The following DLG2 variants were observed in gnomAD, a reference collection of about 807,000 sequenced individuals.
The protein encoded by DLG2 is disks large homolog 2.
Under a neutral mutation model 132.5 loss-of-function variants are expected in DLG2, and 45 were observed. That is an observed-to-expected ratio of 0.34 (90% CI 0.27 to 0.44). DLG2 has a LOEUF of 0.44. Among genes scored for constraint, DLG2 ranks in the 20% least tolerant of loss-of-function variants. DLG2 has a pLI of 1.00. For missense variants in DLG2, 1,045 were observed against 1,196.9 expected, an observed-to-expected ratio of 0.87 and a Z score of 1.87; for synonymous variants, 424 against 419.6, an observed-to-expected ratio of 1.01 and a Z score of -0.13.
chr11:83,941,929 C>T (rs1173378615), intron 14 of DLG2, among the ~76,000 whole-genome samples: 9 of 152,084 alleles, frequency 5.9e-5, no homozygotes, highest in East Asian at 3.8e-4. Flanking sequence ...CACATGGCAC[C>T]GGCTACCTTT....
intron 6 of DLG2, among the ~76,000 whole-genome samples, chr11:85,013,936 T>C (rs2059360782): frequency 6.6e-6 from 1 of 152,192 alleles, no homozygotes; most frequent in Non-Finnish European, 1.5e-5. Flanking sequence ...TAAAAGACTT[T>C]TTTTGGTAAG....
intron 6 of DLG2, among the ~76,000 whole-genome samples, chr11:85,041,921 G>A (rs749924418): frequency 5.1e-4 from 77 of 151,602 alleles, no homozygotes; most frequent in Admixed American, 7.9e-4. Context: ...AATGAACATC[G>A]GAGAGTCAGA....
At position 83,633,325 on chromosome 11, in the gene DLG2, T is replaced by A; in HGVS notation, c.1826A>T (p.Asp609Val). The A allele has an allele frequency of 6.2e-7, 1 of 1,613,078 alleles. No individual in the cohort carries two copies. The highest frequency in any genetic ancestry group is 8.5e-7 in the Non-Finnish European group (1 of 1,179,458). ...VTIIAQYQPE[D>V]YARFEAKIHD... The stretch of plus-strand genomic sequence containing the variant: ...GATTTTGGCCTCAAATCGAGCGTAA[T>A]CTGGGAATGAAAACAAAGGTAGCAA... The change falls in exon 19 of 28, where the codon GAT becomes GTT. Residue 609 changes from aspartate (D) to valine (V), a missense_variant and splice_region_variant. Around this residue, in one of 4 missense-constraint regions of DLG2, gnomAD observed 398 missense variants for 543.6 expected, o/e 0.73. Coordinates refer to ENST00000376104, the MANE Select transcript of DLG2 (RefSeq NM_001142699.3).
At chr11:83,969,197 T>C (rs2090846127) in intron 12 of DLG2, among the ~76,000 whole-genome samples, 1 of 152,294 alleles carries the variant, frequency 6.6e-6, no homozygotes, top group Admixed American at 6.5e-5. Context: ...AAGCCATCAA[T>C]TGGATCACAA....
intron 7 of DLG2, among the ~76,000 whole-genome samples, chr11:84,489,991 A>G (rs1476148318): frequency 2.0e-5 from 3 of 152,150 alleles, no homozygotes; most frequent in Non-Finnish European, 2.9e-5. Context: ...ATAGAAAAAA[A>G]GAAGATATTT....
At chr11:85,030,207 C>T (rs1345349320) in intron 6 of DLG2, among the ~76,000 whole-genome samples, 5 of 152,164 alleles carry the variant, frequency 3.3e-5, no homozygotes, top group African/African-American at 1.2e-4. Flanking sequence ...TAAAGATGCA[C>T]TCATGGGTGA....
At chr11:83,724,892 T>C (rs1211962653) in intron 18 of DLG2, 1 of 702,518 alleles carries the variant, frequency 1.4e-6, no homozygotes, top group Admixed American at 2.0e-5. Context: ...GTTTTCAGCA[T>C]AGCAGGCAGC....
chr11:85,297,701 T>A (rs568103138), intron 3 of DLG2, among the ~76,000 whole-genome samples: 119 of 152,072 alleles, frequency 7.8e-4, no homozygotes, highest in Non-Finnish European at 1.4e-3. Context: ...TAGAGCAAGG[T>A]CTACTCTGGT....
At chr11:85,102,926 G>A (rs1444079145) in intron 6 of DLG2, among the ~76,000 whole-genome samples, 1 of 151,950 alleles carries the variant, frequency 6.6e-6, no homozygotes. Flanking sequence ...GTTTGGTAAG[G>A]TTGCTGATAC....
intron 4 of DLG2, among the ~76,000 whole-genome samples, chr11:85,267,475 T>C (rs866128072): frequency 6.6e-6 from 1 of 152,204 alleles, no homozygotes; most frequent in African/African-American, 2.4e-5. Flanking sequence ...GACAGAGATC[T>C]GATCTCACTT....
chr11:85,492,263 CATTAATGGCAA>C (rs745336570), intron 3 of DLG2, among the ~76,000 whole-genome samples: 86 of 152,074 alleles, frequency 5.7e-4, no homozygotes, highest in Non-Finnish European at 1.1e-3. Flanking sequence ...CAAAATTTGC[CATTAATGGCAA>C]AAACCGCAAT....
At chr11:84,198,414 G>A (rs1005767088) in intron 8 of DLG2, among the ~76,000 whole-genome samples, 3 of 151,882 alleles carry the variant, frequency 2.0e-5, no homozygotes, top group African/African-American at 7.3e-5. Flanking sequence ...TTTTATAAAA[G>A]GAAAATCAAT....
At chr11:85,001,512 G>A (rs934839735) in intron 6 of DLG2, among the ~76,000 whole-genome samples, 2 of 152,254 alleles carry the variant, frequency 1.3e-5, no homozygotes, top group South Asian at 4.1e-4. Context: ...TCATCAGAGA[G>A]TATGTAAAAA....
chr11:85,568,968 T>G (rs1476126780), intron 3 of DLG2, among the ~76,000 whole-genome samples: 1 of 152,140 alleles, frequency 6.6e-6, no homozygotes, highest in Non-Finnish European at 1.5e-5. Context: ...TTCATTCTTC[T>G]TTTTCTAGTT....
chr11:83,688,963 C>T (rs1477345777), intron 18 of DLG2, among the ~76,000 whole-genome samples: 2 of 152,216 alleles, frequency 1.3e-5, no homozygotes, highest in South Asian at 4.1e-4. Flanking sequence ...GGAGGGCTTA[C>T]GATGTCCCAG....
chr11:84,709,020 A>T (rs1203760425), intron 6 of DLG2, among the ~76,000 whole-genome samples: 1 of 151,964 alleles, frequency 6.6e-6, no homozygotes, highest in African/African-American at 2.4e-5. Context: ...AACAAAAGCT[A>T]TAATAACACA....
intron 21 of DLG2, among the ~76,000 whole-genome samples, chr11:83,501,234 C>G (rs185808138): frequency 8.0e-4 from 93 of 116,782 alleles, no homozygotes; most frequent in Non-Finnish European, 1.3e-3. Flanking sequence ...TTCTAAAATT[C>G]AAAGGTTCTT....
At chr11:85,396,003 C>T (rs1431368952) in intron 3 of DLG2, among the ~76,000 whole-genome samples, 1 of 152,178 alleles carries the variant, frequency 6.6e-6, no homozygotes, top group Admixed American at 6.5e-5. Flanking sequence ...CTGGGAAACA[C>T]CTCCCAGTAG....
rs1567802661 is a variant in DLG2, at chr11:84,502,196, CTCTCTCCTTCCT to C, written c.519+32362_519+32373del. On this transcript the variant is annotated intron_variant, in intron 7 of 27. Coordinates refer to ENST00000376104, the MANE Select transcript of DLG2 (RefSeq NM_001142699.3). ...TCTCTTTCTCTCTCTTTCTCTCTCT[CTCTCTCCTTCCT>C]TCCTTCCTTCCTTCCTTCCTTCCTT... 1.6e-4 allele frequency among the ~76,000 whole-genome samples: 2 copies of C among 12,716 alleles called. 1 individual carries two copies. Among genetic ancestry groups the C allele is most frequent in the Non-Finnish European group, 3.6e-4 (2 of 5,556 alleles). 8.3% of individuals were successfully genotyped at this position (12,716 alleles called of 152,430 possible). A position where few individuals can be genotyped will look rare whatever the true frequency, so the allele number is the denominator to read the frequency against.
Sources: allele counts gnomAD v4.1 joint callset (sites outside exome capture counted in the v4.1 genomes callset), GRCh38; gene constraint gnomAD v4.1.1; regional missense constraint gnomAD v4.1.1; transcripts MANE v1.5; gene names NCBI Gene and HGNC (gene_info 2026-07-23, HGNC 2026-07-21).